The following CEP120 variants were observed in gnomAD, a reference collection of about 807,000 sequenced individuals.
The protein encoded by CEP120 is centrosomal protein of 120 kDa.
A neutral mutation model predicts 126.5 loss-of-function variants in CEP120; 113 were observed. That is an observed-to-expected ratio of 0.89 (90% CI 0.77 to 1.04). The LOEUF (loss-of-function observed/expected upper bound fraction) is 1.04, where lower values mean the gene tolerates loss of function less well. Ranked by LOEUF, CEP120 falls within the 50% of genes least tolerant of loss-of-function variation. The pLI, the probability that CEP120 is intolerant of heterozygous loss-of-function variation, is 0.00. For missense variants in CEP120, 1,230 were observed against 1,155.7 expected (o/e 1.06, Z -0.93); for synonymous variants, 400 against 394.3 (o/e 1.01, Z -0.17).
At chr5:123,366,716 C>T (rs951808500) in intron 17 of CEP120, among the ~76,000 whole-genome samples, 1 of 151,888 alleles carries the variant, frequency 6.6e-6, no homozygotes, top group African/African-American at 2.4e-5. Context: ...AGCCTCCCAG[C>T]CTCAAATCTA....
chr5:123,390,626 G>A (rs1221873490), intron 7 of CEP120, among the ~76,000 whole-genome samples: 3 of 152,034 alleles, frequency 2.0e-5, no homozygotes, highest in African/African-American at 4.8e-5. Flanking sequence ...ACAAGATAAA[G>A]TTGATTTCTG....
At chr5:123,413,504 T>C (rs578195412) in intron 3 of CEP120, among the ~76,000 whole-genome samples, 10 of 152,206 alleles carry the variant, frequency 6.6e-5, no homozygotes, top group East Asian at 3.9e-4. Flanking sequence ...GTACTCAAGA[T>C]AGCCTGAAAA....
At chr5:123,414,059 C>A (rs1481572296) in intron 3 of CEP120, among the ~76,000 whole-genome samples, 1 of 152,162 alleles carries the variant, frequency 6.6e-6, no homozygotes, top group Non-Finnish European at 1.5e-5. Flanking sequence ...TGAGCCATTT[C>A]TCCCTTTGAT....
chr5:123,413,031 C>A (rs1001308155), intron 3 of CEP120, among the ~76,000 whole-genome samples: 1 of 152,178 alleles, frequency 6.6e-6, no homozygotes, highest in East Asian at 1.9e-4. Context: ...CTTTGGAAGG[C>A]CAAGGTGGGC....
At chr5:123,394,931 G>C (rs754415196) in intron 5 of CEP120, among the ~76,000 whole-genome samples, 1 of 152,190 alleles carries the variant, frequency 6.6e-6, no homozygotes, top group Non-Finnish European at 1.5e-5. Flanking sequence ...TTTTAGGGTT[G>C]TTGGAAGGAT....
intron 5 of CEP120, among the ~76,000 whole-genome samples, chr5:123,396,518 T>A (rs750931095): frequency 6.6e-6 from 1 of 152,186 alleles, no homozygotes; most frequent in African/African-American, 2.4e-5. Context: ...TTAAAAGTTA[T>A]GGACTCAATA....
chr5:123,384,974 A>G lies in CEP120; in HGVS notation c.1740T>C (p.Ser580=), dbSNP rs759112522. The G allele has an allele frequency of 1.2e-6, 2 of 1,611,600 alleles. No homozygotes were observed. The highest frequency in any genetic ancestry group is 2.2e-5 in the East Asian group (1 of 44,784). ...EQCWRQTYSE[S]VPVIAAQGSN... ...ACCCTTGTGCTGCTATAACAGGCAC[A>G]CTTTCACTGTAAGTTTGACGCCAAC... The change falls in exon 11 of 20, where the codon AGT becomes AGC. Residue 580 remains serine, a synonymous_variant. Coordinates refer to ENST00000306467, the MANE Select transcript of CEP120 (RefSeq NM_001375405.1).
intron 17 of CEP120, 95 bp from the exon 18 acceptor site, chr5:123,364,689 A>G: frequency 1.8e-6 from 1 of 562,128 alleles, no homozygotes; most frequent in Non-Finnish European, 3.0e-6. Flanking sequence ...TTAAGAAAAG[A>G]GTTTATACAG....
At chr5:123,373,698 T>TCTAA (rs1457520078) in intron 16 of CEP120, among the ~76,000 whole-genome samples, 2 of 152,088 alleles carry the variant, frequency 1.3e-5, no homozygotes, top group Non-Finnish European at 2.9e-5. Flanking sequence ...ATTCCTGAGT[T>TCTAA]CTAACTCCAG....
Position 123,412,523 on chromosome 5 carries a change from C to T in CEP120, c.339G>A (p.Gln113=). ...ATTTGGTGTATTTATTACTCAGCAA[C>T]TGGTACCATTTTGGTGCCTAGAGAA... The part of the protein sequence containing the change: ...QETKQAPKWY[Q]LLSNKYTKFK... Residue 113 remains glutamine, a synonymous_variant, in exon 4 of 20, where the codon CAG becomes CAA. Transcript: ENST00000306467. 6.2e-7 allele frequency: 1 copy of T among 1,601,562 alleles called. No homozygotes were observed. The highest frequency in any genetic ancestry group is 1.1e-5 in the South Asian group (1 of 87,750).
At chr5:123,391,663 GA>G (rs1367563283) in intron 6 of CEP120, among the ~76,000 whole-genome samples, 2 of 151,830 alleles carry the variant, frequency 1.3e-5, no homozygotes, top group East Asian at 3.9e-4. Flanking sequence ...ATTAATGCAT[GA>G]ATTTAAACAA....
Position 123,378,385 on chromosome 5 carries a change from A to T in CEP120, c.2147T>A (p.Leu716Gln). ...CTGCTCTCGCTTCTCCAAGTCAATT[A>T]GAGTTTTTTGAAGTTTTCCTTCTAG... ...TILEGKLQKTLIDLEKREQQL... is the reference protein window; with the variant it reads ...TILEGKLQKTQIDLEKREQQL... The change falls in exon 15 of 20, where the codon CTA (leucine) becomes CAA (glutamine). Residue 716 changes from leucine to glutamine, a missense_variant. Physicochemically the swap from Leu to Gln is moderately radical, Grantham distance 113. Coordinates refer to ENST00000306467, the MANE Select transcript of CEP120 (RefSeq NM_001375405.1). 3 of 1,607,618 alleles carry T rather than the reference A, an allele frequency of 1.9e-6. No homozygotes were observed. The highest frequency in any genetic ancestry group is 2.5e-6 in the Non-Finnish European group (3 of 1,177,142).
In CEP120 at chr5:123,418,436, AG is replaced by A. The variant is rs1324037312; in HGVS notation, c.128del (p.Pro43LeufsTer14). 1.2e-6 allele frequency: 2 copies of A among 1,613,038 alleles called. No homozygotes were observed. The highest frequency in any genetic ancestry group is 1.7e-6 in the Non-Finnish European group (2 of 1,179,256). On this transcript the variant is annotated frameshift_variant, in exon 2 of 20. Coordinates refer to ENST00000306467, the MANE Select transcript of CEP120 (RefSeq NM_001375405.1). LOFTEE classifies it high-confidence loss of function. ...KFDGEQLATD[P>X]VDHTDQPEFA... ...ATTCTGGCTGGTCAGTGTGGTCCAC[AG>A]GATCAGTAGCCAACTGTTCTCCATC...
At chr5:123,399,090 A>G (rs2127090062) in intron 5 of CEP120, 46 bp downstream of exon 5, 1 of 1,413,054 alleles carries the variant, frequency 7.1e-7, no homozygotes, top group East Asian at 2.4e-5. Context: ...TGTTTTACAT[A>G]GTTTTCAAAT....
Position 123,377,555 on chromosome 5 carries a change from T to C in CEP120, c.2197-20A>G. On this transcript the variant is annotated intron_variant, in intron 15 of 19. Transcript: ENST00000306467. ...TTGAAGCTTAAAACAAAGGCATCTTTAAGAGGTTGGTTTATTGCTAGCTGC... is the reference window on the plus strand; with the variant it reads ...TTGAAGCTTAAAACAAAGGCATCTTCAAGAGGTTGGTTTATTGCTAGCTGC... 6.4e-7 allele frequency: 1 copy of C among 1,564,826 alleles called. No individual in the cohort carries two copies. Among genetic ancestry groups the C allele is most frequent in the East Asian group, 2.3e-5 (1 of 43,878 alleles).
At chr5:123,404,980 G>A (rs934364142) in intron 4 of CEP120, among the ~76,000 whole-genome samples, 3 of 152,186 alleles carry the variant, frequency 2.0e-5, no homozygotes, top group African/African-American at 7.2e-5. Context: ...AGAAAATAGG[G>A]ACTGTAAAAC....
Position 123,423,346 on chromosome 5 carries a change from G to C in CEP120, c.-348C>G, listed in dbSNP as rs759043582. The C allele has an allele frequency of 3.7e-5, 13 of 350,736 alleles. No homozygotes were observed. The highest frequency in any genetic ancestry group is 9.3e-5 in the Admixed American group (2 of 21,586). 21.7% of individuals were successfully genotyped at this position (350,736 alleles called of 1,614,324 possible). A position where few individuals can be genotyped will look rare whatever the true frequency, so the allele number is the denominator to read the frequency against. On this transcript the variant is annotated 5_prime_UTR_variant, in exon 1 of 20. Transcript: ENST00000306467. ...GCCGCAGCGGCCGCCGCCGCGCCCA[G>C]CTTCCGCCTAGCAACCAGGCCCGCA...
At chr5:123,380,751 G>C (rs964851670) in intron 14 of CEP120, among the ~76,000 whole-genome samples, 1 of 151,964 alleles carries the variant, frequency 6.6e-6, no homozygotes, top group Non-Finnish European at 1.5e-5. Context: ...TGTCTTAAAG[G>C]CTAGGTTAAA....
chr5:123,350,373 G>C (rs1280110123), intron 18 of CEP120, among the ~76,000 whole-genome samples: 3 of 152,070 alleles, frequency 2.0e-5, no homozygotes, highest in Non-Finnish European at 4.4e-5. Flanking sequence ...CAAGGTGTGT[G>C]CCCACCCTTG....
Sources: gnomAD v4.1 joint callset for allele counts (sites outside exome capture counted in the v4.1 genomes callset) on GRCh38, gnomAD v4.1.1 for gene constraint, MANE v1.5 for transcripts, NCBI Gene and HGNC (gene_info 2026-07-23, HGNC 2026-07-21) for gene names.